Variants in FOCAD observed in about 807,000 individuals in gnomAD.
FOCAD encodes focadhesin.
In FOCAD, 198 loss-of-function variants were observed where a neutral mutation model predicts 225.6. The ratio of observed to expected loss-of-function variants is 0.88; its 90% CI spans 0.78 to 0.99. The LOEUF is 0.99. FOCAD is among the 50% of genes least tolerant of loss of function. The probability of loss-of-function intolerance (pLI) is 0.00; values close to 1 mark genes in which losing one functional copy is unlikely to be tolerated. For missense variants in FOCAD, 2,713 were observed against 2,123.6 expected (o/e 1.28, Z -5.46); for synonymous variants, 897 against 755.0 (o/e 1.19, Z -3.08).
intron 33 of FOCAD, 74 bp from the exon 34 acceptor site, chr9:20,950,922 T>G: frequency 7.5e-7 from 1 of 1,325,410 alleles, no homozygotes; most frequent in African/African-American, 1.4e-5. Context: ...ACTGGTGACT[T>G]TCTGTGAGTG....
intron 35 of FOCAD, among the ~76,000 whole-genome samples, chr9:20,960,560 G>A (rs2132453750): frequency 6.6e-6 from 1 of 151,928 alleles, no homozygotes; most frequent in South Asian, 2.1e-4. Flanking sequence ...GTCAAAAGGT[G>A]ATTTTTAAAA....
At chr9:20,774,049 G>C (rs1440746663) in intron 8 of FOCAD, among the ~76,000 whole-genome samples, 1 of 152,202 alleles carries the variant, frequency 6.6e-6, no homozygotes, top group Non-Finnish European at 1.5e-5. Context: ...ATTGTGAACT[G>C]TGCATGCGAG....
chr9:20,971,672 A>G (rs1396711591), intron 35 of FOCAD, among the ~76,000 whole-genome samples: 1 of 152,096 alleles, frequency 6.6e-6, no homozygotes, highest in East Asian at 1.9e-4. Context: ...GTGAATGTAT[A>G]TTCATATTGT....
At chr9:20,661,649 T>C (rs1349995763) in intron 2 of FOCAD, among the ~76,000 whole-genome samples, 1 of 152,192 alleles carries the variant, frequency 6.6e-6, no homozygotes, top group Non-Finnish European at 1.5e-5. Context: ...AAGAGGTCAA[T>C]ATTTAGAAAA....
intron 10 of FOCAD, among the ~76,000 whole-genome samples, chr9:20,788,461 C>T (rs1457013108): frequency 6.6e-6 from 1 of 152,100 alleles, no homozygotes; most frequent in Admixed American, 6.6e-5. Flanking sequence ...TTATAGTATG[C>T]AAATTATATC....
intron 5 of FOCAD, among the ~76,000 whole-genome samples, chr9:20,748,059 G>A (rs1660147586): frequency 6.6e-6 from 1 of 151,802 alleles, no homozygotes; most frequent in African/African-American, 2.4e-5. Context: ...CTTTTGGGGG[G>A]TTGATTATTT....
chr9:20,980,198 A>G (rs921013130), intron 37 of FOCAD, among the ~76,000 whole-genome samples: 16 of 151,736 alleles, frequency 1.1e-4, no homozygotes, highest in African/African-American at 3.9e-4. Context: ...GAATTTTTTT[A>G]TGTCTGTCTT....
rs535112637 is a variant in FOCAD, at chr9:20,889,786, AT to A, written c.2625+4559del. On this transcript the variant is annotated intron_variant, in intron 21 of 43. Coordinates refer to ENST00000338382, the MANE Select transcript of FOCAD (RefSeq NM_001375567.1). Reference sequence around the variant, plus strand: ...TAAGAAACCACAAAAAAGTTTGCTGATTTCAATGGTAAATGCATTGAATTTG... The same window carrying A: ...TAAGAAACCACAAAAAAGTTTGCTGATTCAATGGTAAATGCATTGAATTTG... 3.5e-3 allele frequency among the ~76,000 whole-genome samples: 534 copies of A among 152,296 alleles called. 3 individuals carry two copies. The highest frequency in any genetic ancestry group is 0.012 in the African/African-American group (512 of 41,578).
At chr9:20,910,253 T>C (rs960752000) in intron 22 of FOCAD, among the ~76,000 whole-genome samples, 1 of 152,102 alleles carries the variant, frequency 6.6e-6, no homozygotes, top group African/African-American at 2.4e-5. Context: ...GTCTTTATCT[T>C]GTTACCCTTC....
At chr9:20,827,494 G>A (rs757446374) in intron 15 of FOCAD, among the ~76,000 whole-genome samples, 4 of 149,276 alleles carry the variant, frequency 2.7e-5, no homozygotes, top group African/African-American at 7.4e-5. Flanking sequence ...AAATTGTGGC[G>A]TGTGTGTGTG....
intron 21 of FOCAD, among the ~76,000 whole-genome samples, chr9:20,901,192 A>AGTGTGTGTG (rs1832528693): frequency 7.9e-4 from 84 of 105,756 alleles, no homozygotes; most frequent in African/African-American, 2.4e-3. Context: ...TGTGGAAACA[A>AGTGTGTGTG]TGTGTGTGTG....
chr9:20,805,519 A>T (rs1343924089), intron 11 of FOCAD, among the ~76,000 whole-genome samples: 4 of 150,078 alleles, frequency 2.7e-5, no homozygotes, highest in Admixed American at 6.6e-5. Flanking sequence ...AATTTGGATA[A>T]TTTTTTTTTT....
chr9:20,770,488 C>T (rs9298810), intron 8 of FOCAD, among the ~76,000 whole-genome samples: 26,056 of 152,062 alleles, frequency 0.17, 2,568 homozygotes, highest in Non-Finnish European at 0.22. Flanking sequence ...AGATACTACA[C>T]GCTTTTAAAC....
chr9:20,992,858 G>A (rs1841784753), intron 42 of FOCAD, among the ~76,000 whole-genome samples: 1 of 152,084 alleles, frequency 6.6e-6, no homozygotes, highest in Non-Finnish European at 1.5e-5. Context: ...CGCTGCTCTG[G>A]AGGCTGAGGC....
At chr9:20,956,770 A>G (rs995407775) in intron 35 of FOCAD, among the ~76,000 whole-genome samples, 5 of 152,172 alleles carry the variant, frequency 3.3e-5, no homozygotes. Context: ...GTCACCAATT[A>G]TCCCATGACT....
At chr9:20,834,033 T>C (rs1825755899) in intron 15 of FOCAD, among the ~76,000 whole-genome samples, 2 of 152,096 alleles carry the variant, frequency 1.3e-5, no homozygotes, top group South Asian at 4.1e-4. Flanking sequence ...AAAAGACTTG[T>C]ACGGAATGTT....
chr9:20,899,846 A>G (rs948734715), intron 21 of FOCAD, among the ~76,000 whole-genome samples: 2 of 151,858 alleles, frequency 1.3e-5, no homozygotes, highest in South Asian at 2.1e-4. Flanking sequence ...TAGAAGAATC[A>G]TAGACCCAAG....
intron 18 of FOCAD, among the ~76,000 whole-genome samples, chr9:20,868,053 T>G (rs1829441021): frequency 6.6e-6 from 1 of 152,122 alleles, no homozygotes; most frequent in African/African-American, 2.4e-5. Flanking sequence ...CCGCTTGTCA[T>G]GCAGTGATCA....
intron 6 of FOCAD, among the ~76,000 whole-genome samples, chr9:20,763,228 T>G (rs7850071): frequency 0.031 from 4,728 of 152,312 alleles, 262 homozygotes; most frequent in African/African-American, 0.11. Context: ...AGGCCTAGTA[T>G]GTACAGTTAT....
Sources: allele counts gnomAD v4.1 joint callset (sites outside exome capture counted in the v4.1 genomes callset), GRCh38; gene constraint gnomAD v4.1.1; transcripts MANE v1.5; gene names NCBI Gene and HGNC (gene_info 2026-07-23, HGNC 2026-07-21).